The following GOLPH3 variants were observed in gnomAD, a reference collection of about 807,000 sequenced individuals.
GOLPH3 encodes the protein golgi phosphoprotein 3, also known as coat protein GPP34.
A neutral mutation model predicts 28.5 loss-of-function variants in GOLPH3; 14 were observed. The ratio of observed to expected loss-of-function variants is 0.49; its 90% CI spans 0.32 to 0.77. GOLPH3 has a LOEUF of 0.77. Among genes scored for constraint, GOLPH3 ranks in the 30% least tolerant of loss-of-function variants. GOLPH3 has a pLI of 0.03. For missense variants in GOLPH3, 350 were observed against 393.7 expected (o/e 0.89, Z 0.94); for synonymous variants, 158 against 159.2 (o/e 0.99, Z 0.06).
At position 32,162,352 on chromosome 5, in the gene GOLPH3, C is replaced by G. The variant is rs942777553; in HGVS notation, c.225+11458G>C. Among the ~76,000 whole-genome samples the G allele has an allele frequency of 7.9e-5, 12 of 150,958 alleles. 1 individual carries two copies. Among genetic ancestry groups the G allele is most frequent in the African/African-American group, 3.0e-4 (12 of 40,564 alleles). On this transcript the variant is annotated intron_variant, in intron 1 of 3. Transcript: ENST00000265070. ...CTAAAAATACAAAAATTTAGCCAGG[C>G]GTGGTGGCAGGCGCCTGTAGTCCCA...
chr5:32,129,908 C>G (rs114603480), intron 3 of GOLPH3, among the ~76,000 whole-genome samples: 2,211 of 151,700 alleles, frequency 0.015, 21 homozygotes, highest in Non-Finnish European at 0.024. Context: ...GTGGTGTGAT[C>G]AGGGCTCACT....
intron 1 of GOLPH3, among the ~76,000 whole-genome samples, chr5:32,156,060 C>T (rs1181435408): frequency 1.4e-5 from 2 of 145,266 alleles, no homozygotes; most frequent in African/African-American, 2.5e-5. Context: ...CTCATGAATG[C>T]AATTAGTGCC....
At chr5:32,161,335 T>C (rs545257817) in intron 1 of GOLPH3, among the ~76,000 whole-genome samples, 2 of 148,214 alleles carry the variant, frequency 1.3e-5, no homozygotes, top group South Asian at 2.1e-4. Flanking sequence ...CCCAGCAAGT[T>C]TGAGGCTGCA....
chr5:32,125,440 A>G lies in GOLPH3; in HGVS notation c.*772T>C, dbSNP rs1745655854. On this transcript the variant is annotated 3_prime_UTR_variant, in exon 4 of 4. Coordinates refer to ENST00000265070, the MANE Select transcript of GOLPH3 (RefSeq NM_022130.4). ...CAAGAGGTCGATTTTGCCATCAAAT[A>G]ACCATGATTGAAGCAAGCGAGGGGC... is the stretch of plus-strand genomic sequence containing the variant. The G allele has an allele frequency of 6.5e-6, 1 of 152,692 alleles. No individual in the cohort carries two copies. Among genetic ancestry groups the G allele is most frequent in the East Asian group, 1.9e-4 (1 of 5,204 alleles). The allele number at this position is 152,692 out of a possible 1,614,324, so 9.5% of individuals were successfully genotyped here. A position where few individuals can be genotyped will look rare whatever the true frequency, so the allele number is the denominator to read the frequency against.
In GOLPH3 at chr5:32,153,844, A is replaced by G. The variant is rs561434293; in HGVS notation, c.226-9964T>C. Among the ~76,000 whole-genome samples, 22 of 152,334 alleles carry G rather than the reference A, an allele frequency of 1.4e-4. No individual in the cohort carries two copies. The East Asian group carries it at 4.0e-3, about 28-fold the overall frequency. The stretch of plus-strand genomic sequence containing the variant: ...TCCTACAAGCAGTAACAACTCAGTA[A>G]CACTGAGTACACCCAGTGTACTCAC... On this transcript the variant is annotated intron_variant, in intron 1 of 3. Transcript: ENST00000265070.
chr5:32,143,084 CTT>C (rs971522348), intron 2 of GOLPH3, among the ~76,000 whole-genome samples: 65 of 152,278 alleles, frequency 4.3e-4, no homozygotes, highest in Non-Finnish European at 8.2e-4. Context: ...ACATGGGAGA[CTT>C]TTCATTTTGT....
At chr5:32,165,196 G>C (rs1448005117) in intron 1 of GOLPH3, among the ~76,000 whole-genome samples, 1 of 152,086 alleles carries the variant, frequency 6.6e-6, no homozygotes, top group Non-Finnish European at 1.5e-5. Context: ...CACCACACCT[G>C]CCAGGGTTAG....
At chr5:32,130,632 G>C (rs74993666) in intron 3 of GOLPH3, among the ~76,000 whole-genome samples, 5 of 151,988 alleles carry the variant, frequency 3.3e-5, no homozygotes, top group African/African-American at 1.2e-4. Context: ...GGAAAAAAAA[G>C]TCAAGAAACG....
intron 1 of GOLPH3, among the ~76,000 whole-genome samples, chr5:32,168,762 T>C (rs940658483): frequency 6.6e-6 from 1 of 152,178 alleles, no homozygotes; most frequent in Non-Finnish European, 1.5e-5. Flanking sequence ...AACATATGAT[T>C]GGACAAGTCT....
At chr5:32,157,661 T>C (rs1746459596) in intron 1 of GOLPH3, among the ~76,000 whole-genome samples, 1 of 152,140 alleles carries the variant, frequency 6.6e-6, no homozygotes, top group African/African-American at 2.4e-5. Context: ...AAATGTACTG[T>C]CTCCAACTTA....
intron 1 of GOLPH3, among the ~76,000 whole-genome samples, chr5:32,147,877 C>T (rs1290231346): frequency 6.6e-6 from 1 of 152,216 alleles, no homozygotes; most frequent in Admixed American, 6.5e-5. Flanking sequence ...TTCAAATCAA[C>T]TCCAGCTCTA....
At position 32,126,511 on chromosome 5, in the gene GOLPH3, T is replaced by C; in HGVS notation, c.598A>G (p.Thr200Ala). Residue 200 changes from threonine to alanine, a missense_variant, in exon 4 of 4, where the codon ACA (threonine) becomes GCA (alanine). Thr to Ala is a moderately conservative substitution (Grantham distance 58, BLOSUM62 0). Transcript: ENST00000265070. Reference protein sequence around the residue: ...EKQNFLLFDMTTHPLTNNNIK... With the variant: ...EKQNFLLFDMATHPLTNNNIK... ...TTGTTATTGGTGAGGGGATGTGTTG[T>C]CATGTCAAAAAGTAGGAAGTTCTGT... 6.2e-7 allele frequency: 1 copy of C among 1,614,184 alleles called. No homozygotes were observed. The highest frequency in any genetic ancestry group is 1.1e-5 in the South Asian group (1 of 91,082).
intron 1 of GOLPH3, among the ~76,000 whole-genome samples, chr5:32,165,482 T>C (rs561005331): frequency 2.6e-5 from 4 of 152,078 alleles, no homozygotes; most frequent in South Asian, 4.1e-4. Context: ...ACTCAGAAGG[T>C]TGAGGCAGGA....
intron 2 of GOLPH3, among the ~76,000 whole-genome samples, chr5:32,141,434 A>T (rs1421448225): frequency 6.6e-6 from 1 of 152,224 alleles, no homozygotes; most frequent in Non-Finnish European, 1.5e-5. Flanking sequence ...AAGCACCTAC[A>T]CAGACCTTCA....
Position 32,162,528 on chromosome 5 carries a change from C to T in GOLPH3, c.225+11282G>A, listed in dbSNP as rs550902346. The stretch of plus-strand genomic sequence containing the variant: ...AAATTAAAATTTTTAAAAAAATACA[C>T]GCATAGATGAGCATCTGAATTTGAG... On this transcript the variant is annotated intron_variant, in intron 1 of 3. Coordinates refer to ENST00000265070, the MANE Select transcript of GOLPH3 (RefSeq NM_022130.4). Among the ~76,000 whole-genome samples, 8 of 151,850 alleles carry T rather than the reference C, an allele frequency of 5.3e-5. No homozygotes were observed. In the East Asian group the frequency reaches 1.2e-3, roughly 22 times the overall value.
chr5:32,140,558 C>T (rs1483827662), intron 2 of GOLPH3, among the ~76,000 whole-genome samples: 1 of 150,964 alleles, frequency 6.6e-6, no homozygotes, highest in Non-Finnish European at 1.5e-5. Context: ...ACTAGGGAGG[C>T]TGAGGCAGGA....
intron 1 of GOLPH3, among the ~76,000 whole-genome samples, chr5:32,164,703 G>A (rs989486297): frequency 6.6e-6 from 1 of 151,680 alleles, no homozygotes; most frequent in Non-Finnish European, 1.5e-5. Flanking sequence ...CCAAGAGTAC[G>A]ATTCTTTCAC....
intron 2 of GOLPH3, among the ~76,000 whole-genome samples, chr5:32,139,967 C>CAACT (rs1387566045): frequency 6.6e-6 from 1 of 152,064 alleles, no homozygotes; most frequent in Non-Finnish European, 1.5e-5. Flanking sequence ...GGTTAGAAGA[C>CAACT]AACTCTTTAA....
intron 1 of GOLPH3, among the ~76,000 whole-genome samples, chr5:32,153,419 G>GA (rs202161839): frequency 0.049 from 5,070 of 103,026 alleles, 103 homozygotes; most frequent in Middle Eastern, 0.11. Context: ...ACTGAAAACA[G>GA]AAAAAAAAAA....
Sources: gnomAD v4.1 joint callset for allele counts (sites outside exome capture counted in the v4.1 genomes callset) on GRCh38, gnomAD v4.1.1 for gene constraint, MANE v1.5 for transcripts, NCBI Gene and HGNC (gene_info 2026-07-23, HGNC 2026-07-21) for gene names.